The following CYYR1 variants were observed in gnomAD, a reference collection of about 807,000 sequenced individuals.
CYYR1 encodes the protein cysteine and tyrosine rich 1.
A neutral mutation model predicts 15.2 loss-of-function variants in CYYR1; 14 were observed. The observed-to-expected ratio is 0.92, with a 90% CI of 0.61 to 1.44. The LOEUF (loss-of-function observed/expected upper bound fraction) is 1.44, where lower values mean the gene tolerates loss of function less well. Ranked by LOEUF, CYYR1 falls within the 40% of genes most tolerant of loss-of-function variation. The probability of loss-of-function intolerance (pLI) is 0.00; values close to 1 mark genes in which losing one functional copy is unlikely to be tolerated. For missense variants in CYYR1, 228 were observed against 209.5 expected, an observed-to-expected ratio of 1.09 and a Z score of -0.54; for synonymous variants, 80 against 77.4, an observed-to-expected ratio of 1.03 and a Z score of -0.18.
At chr21:26,526,127 T>C (rs1263058647) in intron 2 of CYYR1, among the ~76,000 whole-genome samples, 3 of 152,110 alleles carry the variant, frequency 2.0e-5, no homozygotes, top group Non-Finnish European at 2.9e-5. Context: ...AGTTTACTTA[T>C]GTAACAAACC....
intron 2 of CYYR1, among the ~76,000 whole-genome samples, chr21:26,544,154 A>G (rs769371690): frequency 2.0e-5 from 3 of 152,184 alleles, no homozygotes; most frequent in African/African-American, 7.2e-5. Flanking sequence ...AGACTAAAAC[A>G]TTTTGAGATT....
chr21:26,543,104 A>G (rs1978689341), intron 2 of CYYR1, among the ~76,000 whole-genome samples: 1 of 152,210 alleles, frequency 6.6e-6, no homozygotes, highest in Non-Finnish European at 1.5e-5. Context: ...GCATGTCTGC[A>G]TGTTCTCACT....
At chr21:26,476,758 C>A (rs1202294640) in intron 3 of CYYR1, among the ~76,000 whole-genome samples, 1 of 151,882 alleles carries the variant, frequency 6.6e-6, no homozygotes, top group Non-Finnish European at 1.5e-5. Flanking sequence ...ACTTTTATAT[C>A]TTTGGCAAGC....
chr21:26,468,665 A>G (rs2064997717), intron 3 of CYYR1, 31 bp from the exon 4 acceptor site: 3 of 1,511,088 alleles, frequency 2.0e-6, no homozygotes, highest in Admixed American at 1.9e-5. Context: ...AACATCAAGG[A>G]GTTAGCAAAT....
At chr21:26,552,504 A>G (rs1178139307) in intron 2 of CYYR1, among the ~76,000 whole-genome samples, 2 of 152,050 alleles carry the variant, frequency 1.3e-5, no homozygotes, top group Non-Finnish European at 2.9e-5. Flanking sequence ...TAGGTATATC[A>G]TTTTGTGATT....
At chr21:26,486,539 C>A (rs921228951) in intron 2 of CYYR1, among the ~76,000 whole-genome samples, 3 of 152,024 alleles carry the variant, frequency 2.0e-5, no homozygotes, top group Admixed American at 1.3e-4. Flanking sequence ...CATTCCTCAT[C>A]CCCCCATCGC....
At chr21:26,522,017 C>T (rs1014057781) in intron 2 of CYYR1, among the ~76,000 whole-genome samples, 7 of 152,176 alleles carry the variant, frequency 4.6e-5, no homozygotes, top group African/African-American at 1.7e-4. Context: ...TGAAAAGTCA[C>T]CAACAGTTTT....
At chr21:26,535,193 C>T (rs765609721) in intron 2 of CYYR1, among the ~76,000 whole-genome samples, 6 of 152,124 alleles carry the variant, frequency 3.9e-5, no homozygotes, top group East Asian at 1.9e-4. Context: ...GTATCCCAAA[C>T]GTCAGCATCA....
At chr21:26,537,587 A>G (rs1375755154) in intron 2 of CYYR1, among the ~76,000 whole-genome samples, 1 of 152,098 alleles carries the variant, frequency 6.6e-6, no homozygotes, top group Non-Finnish European at 1.5e-5. Context: ...ACCAGCTCTG[A>G]GAACTTCTCT....
chr21:26,556,932 T>A (rs1034634811), intron 2 of CYYR1, among the ~76,000 whole-genome samples: 4 of 152,136 alleles, frequency 2.6e-5, no homozygotes, highest in Non-Finnish European at 4.4e-5. Context: ...AGCGTTTAGG[T>A]CTTCAAAAGG....
chr21:26,544,020 A>G (rs1859919175), intron 2 of CYYR1, among the ~76,000 whole-genome samples: 1 of 152,336 alleles, frequency 6.6e-6, no homozygotes, highest in African/African-American at 2.4e-5. Flanking sequence ...TATTAAATTT[A>G]TATCAATATT....
At chr21:26,525,081 A>C (rs902737978) in intron 2 of CYYR1, among the ~76,000 whole-genome samples, 7 of 152,096 alleles carry the variant, frequency 4.6e-5, no homozygotes, top group African/African-American at 1.7e-4. Context: ...AATTCATTAA[A>C]TCTCTCTACA....
rs181905494 is a variant in CYYR1, at chr21:26,535,089, G to A, written c.176+31177C>T. Among the ~76,000 whole-genome samples, 4 of 151,858 alleles carry A rather than the reference G, an allele frequency of 2.6e-5. No homozygotes were observed. The East Asian group carries it at 5.8e-4, about 22-fold the overall frequency. On this transcript the variant is annotated intron_variant, in intron 2 of 3. Coordinates refer to ENST00000652641, the MANE Select transcript of CYYR1 (RefSeq NM_001320768.2). Reference sequence around the variant, plus strand: ...TCATCTCTTGGCAAGAATATACACCGGGGACTACTGTGGGGGTGTTTGGGG... The same window carrying A: ...TCATCTCTTGGCAAGAATATACACCAGGGACTACTGTGGGGGTGTTTGGGG...
At chr21:26,520,984 A>G (rs1399918325) in intron 2 of CYYR1, among the ~76,000 whole-genome samples, 1 of 152,186 alleles carries the variant, frequency 6.6e-6, no homozygotes, top group Admixed American at 6.5e-5. Flanking sequence ...CTGAACAATG[A>G]GAACACATGA....
At chr21:26,548,271 T>C (rs1437018943) in intron 2 of CYYR1, among the ~76,000 whole-genome samples, 1 of 152,260 alleles carries the variant, frequency 6.6e-6, no homozygotes, top group Non-Finnish European at 1.5e-5. Flanking sequence ...GATGGTTTGA[T>C]TACATCCCTT....
intron 2 of CYYR1, among the ~76,000 whole-genome samples, chr21:26,522,650 G>A (rs192830530): frequency 6.6e-6 from 1 of 152,248 alleles, no homozygotes; most frequent in East Asian, 1.9e-4. Context: ...CTACACTGGA[G>A]GATATGATGA....
chr21:26,526,047 A>C (rs2065859943), intron 2 of CYYR1, among the ~76,000 whole-genome samples: 1 of 152,128 alleles, frequency 6.6e-6, no homozygotes, highest in Admixed American at 6.6e-5. Flanking sequence ...GATCAGGAAA[A>C]ATAACTAATG....
intron 2 of CYYR1, among the ~76,000 whole-genome samples, chr21:26,533,600 C>T (rs1014592396): frequency 2.0e-5 from 3 of 152,206 alleles, no homozygotes; most frequent in East Asian, 3.9e-4. Flanking sequence ...CCCCAGTCCA[C>T]GAATTCAAAT....
intron 2 of CYYR1, among the ~76,000 whole-genome samples, chr21:26,492,688 T>C (rs1266800628): frequency 6.7e-6 from 1 of 149,246 alleles, no homozygotes; most frequent in Non-Finnish European, 1.5e-5. Context: ...AGAGTTCTAG[T>C]GGCCATCTGT....
Sources: allele counts gnomAD v4.1 joint callset (sites outside exome capture counted in the v4.1 genomes callset), GRCh38; gene constraint gnomAD v4.1.1; transcripts MANE v1.5; gene names NCBI Gene and HGNC (gene_info 2026-07-23, HGNC 2026-07-21).